The following CD38 variants were observed in gnomAD, a reference collection of about 807,000 sequenced individuals.
CD38 encodes the protein CD38 molecule, also known as ADP-ribosyl cyclase/cyclic ADP-ribose hydrolase 1.
In CD38, 31 loss-of-function variants were observed where a neutral mutation model predicts 36.3. The observed-to-expected ratio is 0.85, with a 90% confidence interval of 0.64 to 1.15. CD38 has a LOEUF of 1.15. Ranked by LOEUF, CD38 falls within the 50% of genes most tolerant of loss-of-function variation. The probability of loss-of-function intolerance (pLI) is 0.00; values close to 1 mark genes in which losing one functional copy is unlikely to be tolerated. For synonymous variants in CD38, 131 were observed against 135.2 expected, an observed-to-expected ratio of 0.97 and a Z score of 0.22; for missense variants, 380 against 371.9, an observed-to-expected ratio of 1.02 and a Z score of -0.18.
intron 7 of CD38, 69 bp from the exon 8 acceptor site, chr4:15,848,470 C>G (rs1019891485): frequency 5.2e-6 from 6 of 1,159,898 alleles, no homozygotes; most frequent in African/African-American, 3.0e-5. Context: ...GGGGCTTCCT[C>G]CATTAGCGAA....
At chr4:15,811,234 T>G (rs1192184119) in intron 1 of CD38, among the ~76,000 whole-genome samples, 1 of 151,540 alleles carries the variant, frequency 6.6e-6, no homozygotes, top group East Asian at 1.9e-4. Flanking sequence ...TTCACTTTCT[T>G]GATGGCGTCC....
chr4:15,781,479 G>A (rs565429475), intron 1 of CD38, among the ~76,000 whole-genome samples: 16 of 152,236 alleles, frequency 1.1e-4, no homozygotes, highest in East Asian at 7.7e-4. Flanking sequence ...TTGTGAAGTC[G>A]GGCAAGCCCC....
chr4:15,836,047 ATTAAAC>A (rs1006866891), intron 4 of CD38, among the ~76,000 whole-genome samples: 58 of 152,370 alleles, frequency 3.8e-4, no homozygotes, highest in African/African-American at 1.3e-3. Flanking sequence ...AACTTTCAAA[ATTAAAC>A]TTAGACATCT....
intron 1 of CD38, among the ~76,000 whole-genome samples, chr4:15,799,558 G>C (rs1204450758): frequency 6.6e-6 from 1 of 152,118 alleles, no homozygotes; most frequent in African/African-American, 2.4e-5. Context: ...CATCCATGTT[G>C]TATGTATTAA....
At chr4:15,819,193 G>A (rs755154785) in intron 2 of CD38, among the ~76,000 whole-genome samples, 1 of 152,176 alleles carries the variant, frequency 6.6e-6, no homozygotes, top group Non-Finnish European at 1.5e-5. Context: ...TCAGGGGTGG[G>A]TGCTAGGGGA....
chr4:15,779,751 T>C (rs1302634743), intron 1 of CD38, among the ~76,000 whole-genome samples: 2 of 151,614 alleles, frequency 1.3e-5, no homozygotes, highest in Non-Finnish European at 2.9e-5. Context: ...TATTGTAAAG[T>C]ATGAAGTGAA....
At chr4:15,811,926 G>A (rs577185634) in intron 1 of CD38, among the ~76,000 whole-genome samples, 1 of 152,272 alleles carries the variant, frequency 6.6e-6, no homozygotes, top group East Asian at 1.9e-4. Flanking sequence ...CCTGGGCTCA[G>A]GTTTCTTGCT....
intron 2 of CD38, 95 bp from the exon 3 acceptor site, chr4:15,824,786 T>A: frequency 3.2e-6 from 3 of 944,070 alleles, no homozygotes; most frequent in Non-Finnish European, 4.9e-6. Context: ...TACTTTGATA[T>A]GCTCTGTTTT....
chr4:15,800,035 C>T (rs1723185830), intron 1 of CD38, among the ~76,000 whole-genome samples: 1 of 152,122 alleles, frequency 6.6e-6, no homozygotes, highest in African/African-American at 2.4e-5. Flanking sequence ...ATGCCTGCAG[C>T]TGCAGAAAAA....
intron 1 of CD38, among the ~76,000 whole-genome samples, chr4:15,783,853 A>G (rs1235964886): frequency 6.6e-6 from 1 of 152,188 alleles, no homozygotes; most frequent in Non-Finnish European, 1.5e-5. Flanking sequence ...CATTTTAATG[A>G]CTGTAGGATT....
rs75078055 is a variant in CD38 at position 15,840,164 on chromosome 4, C to T, written c.752+46C>T. ...CCCAAGTGTTATTTTATGAATCAGT[C>T]CACAAAAGAATCCACAGTCACAAGC... On this transcript the variant is annotated intron_variant, in intron 6 of 7. Coordinates refer to ENST00000226279, the MANE Select transcript of CD38 (RefSeq NM_001775.4). 2.7e-3 allele frequency: 3,654 copies of T among 1,354,290 alleles called. 85 individuals carry two copies. In the African/African-American group the frequency reaches 0.047, roughly 17 times the overall value. The allele number at this position is 1,354,290 out of a possible 1,614,324, so 83.9% of individuals were successfully genotyped here. A position where few individuals can be genotyped will look rare whatever the true frequency, so the allele number is the denominator to read the frequency against.
rs1168136460 is a variant in CD38 at position 15,852,261 on chromosome 4, C to T, written c.*3659C>T. ...TTGGCAAAACACATTGTTTCTTTGG[C>T]TTTGCCTTGGTAACTTTCTGTGCCT... is the stretch of plus-strand genomic sequence containing the variant. On this transcript the variant is annotated 3_prime_UTR_variant, in exon 8 of 8. Coordinates refer to ENST00000226279, the MANE Select transcript of CD38 (RefSeq NM_001775.4). 6.6e-6 allele frequency: 1 copy of T among 152,210 alleles called. No individual in the cohort carries two copies. The highest frequency in any genetic ancestry group is 1.5e-5 in the Non-Finnish European group (1 of 68,038). 9.4% of individuals were successfully genotyped at this position (152,210 alleles called of 1,614,324 possible).
At position 15,824,981 on chromosome 4, in the gene CD38, A is replaced by G. The variant is rs1408955734; in HGVS notation, c.464A>G (p.Asp155Gly). ...LEDTLLGYLA[D>G]DLTWCGEFNT... is the part of the protein sequence containing the mutation. ...GACACGCTGCTAGGCTACCTTGCTGATGACCTCACATGGTGTGGTGAATTC... is the reference window on the plus strand; with the variant it reads ...GACACGCTGCTAGGCTACCTTGCTGGTGACCTCACATGGTGTGGTGAATTC... The change falls in exon 3 of 8, where the codon GAT becomes GGT. Residue 155 changes from aspartate (D) to glycine (G), a missense_variant. Transcript: ENST00000226279. The G allele has an allele frequency of 3.1e-6, 5 of 1,613,666 alleles. No homozygotes were observed. The highest frequency in any genetic ancestry group is 4.2e-6 in the Non-Finnish European group (5 of 1,179,788).
intron 2 of CD38, among the ~76,000 whole-genome samples, chr4:15,821,668 T>A (rs1577652303): frequency 8.4e-6 from 1 of 119,360 alleles, no homozygotes; most frequent in Middle Eastern, 7.2e-3. Flanking sequence ...ACAAGTTCTA[T>A]AATTGAGGCA....
chr4:15,802,661 AT>A (rs1391438769), intron 1 of CD38, among the ~76,000 whole-genome samples: 2 of 151,926 alleles, frequency 1.3e-5, no homozygotes, highest in African/African-American at 2.4e-5. Context: ...GGTTCAAGCA[AT>A]TCTCCTGCTT....
chr4:15,852,910 A>G lies in CD38; in HGVS notation c.*4308A>G, dbSNP rs1334977144. The G allele has an allele frequency of 6.7e-6, 1 of 148,340 alleles. No homozygotes were observed. The highest frequency in any genetic ancestry group is 2.0e-4 in the East Asian group (1 of 5,042). 9.2% of individuals were successfully genotyped at this position (148,340 alleles called of 1,614,324 possible). A position where few individuals can be genotyped will look rare whatever the true frequency, so the allele number is the denominator to read the frequency against. Reference sequence around the variant, plus strand: ...CTGCAGGCTCCACCCCCTGGGGTTCACGCCATTCTCCTGCCTCAGCCTCCC... The same window carrying G: ...CTGCAGGCTCCACCCCCTGGGGTTCGCGCCATTCTCCTGCCTCAGCCTCCC... On this transcript the variant is annotated 3_prime_UTR_variant, in exon 8 of 8. Coordinates refer to ENST00000226279, the MANE Select transcript of CD38 (RefSeq NM_001775.4).
chr4:15,813,591 C>T (rs1305609950), intron 1 of CD38, among the ~76,000 whole-genome samples: 1 of 152,094 alleles, frequency 6.6e-6, no homozygotes, highest in Non-Finnish European at 1.5e-5. Flanking sequence ...TACTCTCCCT[C>T]CCCTTGCTCC....
chr4:15,787,249 T>C (rs150239638), intron 1 of CD38, among the ~76,000 whole-genome samples: 1 of 152,244 alleles, frequency 6.6e-6, no homozygotes, highest in South Asian at 2.1e-4. Context: ...CACCAGCACG[T>C]TGTCTCCTCT....
chr4:15,835,196 T>C (rs1724040606), intron 4 of CD38, among the ~76,000 whole-genome samples: 1 of 152,068 alleles, frequency 6.6e-6, no homozygotes, highest in Admixed American at 6.6e-5. Context: ...CCTACTTTTC[T>C]AAGCCTATGG....
Sources: gnomAD v4.1 joint callset for allele counts (sites outside exome capture counted in the v4.1 genomes callset) on GRCh38, gnomAD v4.1.1 for gene constraint, MANE v1.5 for transcripts, NCBI Gene and HGNC (gene_info 2026-07-23, HGNC 2026-07-21) for gene names.